The following SRGAP1 variants were observed in gnomAD, a reference collection of about 807,000 sequenced individuals.
SRGAP1 encodes SLIT-ROBO Rho GTPase activating protein 1, also known as SLIT-ROBO Rho GTPase-activating protein 1.
A neutral mutation model predicts 121.9 loss-of-function variants in SRGAP1; 43 were observed. The ratio of observed to expected loss-of-function variants is 0.35; its 90% CI spans 0.28 to 0.46. The LOEUF (loss-of-function observed/expected upper bound fraction) is 0.46. SRGAP1 is among the 20% of genes least tolerant of loss of function. The pLI, the probability that SRGAP1 is intolerant of heterozygous loss-of-function variation, is 1.00. For missense variants in SRGAP1, 1,102 were observed against 1,350.9 expected, an observed-to-expected ratio of 0.82 and a Z score of 2.89; for synonymous variants, 447 against 485.4, an observed-to-expected ratio of 0.92 and a Z score of 1.04.
intron 11 of SRGAP1, among the ~76,000 whole-genome samples, chr12:64,090,351 T>C (rs940629351): frequency 1.3e-5 from 2 of 152,314 alleles, no homozygotes; most frequent in East Asian, 1.9e-4. Context: ...AACAAGTACA[T>C]CCTCAGATAT....
At chr12:64,043,877 A>G (rs2035073255) in intron 6 of SRGAP1, among the ~76,000 whole-genome samples, 1 of 152,236 alleles carries the variant, frequency 6.6e-6, no homozygotes, top group Non-Finnish European at 1.5e-5. Flanking sequence ...GCAGTGGCAC[A>G]GCCCTAACTG....
intron 1 of SRGAP1, among the ~76,000 whole-genome samples, chr12:63,929,279 A>G (rs1480810665): frequency 2.0e-5 from 3 of 152,258 alleles, no homozygotes; most frequent in African/African-American, 7.2e-5. Flanking sequence ...TTGCCTAAGT[A>G]TCTGTTTCAG....
At chr12:64,121,042 T>G (rs1282609420) in intron 18 of SRGAP1, among the ~76,000 whole-genome samples, 3 of 150,870 alleles carry the variant, frequency 2.0e-5, no homozygotes, top group Non-Finnish European at 2.9e-5. Flanking sequence ...AGACAGGGTT[T>G]CCACTCTGTT....
chr12:64,114,355 T>TG (rs1447326604), intron 17 of SRGAP1, among the ~76,000 whole-genome samples: 2 of 147,382 alleles, frequency 1.4e-5, no homozygotes, highest in African/African-American at 5.1e-5. Context: ...TTTTTTTTTT[T>TG]TTGGAGACAG....
At chr12:64,080,694 C>T in intron 10 of SRGAP1, 8 of 397,734 alleles carry the variant, frequency 2.0e-5, no homozygotes, top group South Asian at 1.1e-4. Flanking sequence ...ACCTGCTGAC[C>T]CCCCAGTCTC....
chr12:63,984,617 A>C (rs751243497), intron 2 of SRGAP1, among the ~76,000 whole-genome samples: 2 of 152,234 alleles, frequency 1.3e-5, no homozygotes, highest in Non-Finnish European at 2.9e-5. Context: ...AAAAGTTTTA[A>C]GGAAAATGCT....
chr12:64,127,611 T>C lies in SRGAP1; in HGVS notation c.2427T>C (p.Thr809=), dbSNP rs1193031616. 3.1e-6 allele frequency: 5 copies of C among 1,614,042 alleles called. No individual in the cohort carries two copies. In the Admixed American group the frequency reaches 6.7e-5, roughly 22 times the overall value. Residue 809 remains threonine, a synonymous_variant, in exon 20 of 22, where the codon ACT becomes ACC. Coordinates refer to ENST00000355086, the MANE Select transcript of SRGAP1 (RefSeq NM_020762.4). ...VQDMDDTFSD[T]LSQKADSEAS... ...TCAGGGATGATACGTTTTCAGACAC[T>C]CTGAGCCAAAAAGCCGACAGTGAGG...
intron 1 of SRGAP1, among the ~76,000 whole-genome samples, chr12:63,965,979 C>A (rs1358331443): frequency 1.2e-4 from 18 of 152,136 alleles, no homozygotes. Context: ...GCCATCATGC[C>A]CAGCTAATTT....
At chr12:64,119,026 C>A (rs2036565186) in intron 18 of SRGAP1, among the ~76,000 whole-genome samples, 3 of 152,140 alleles carry the variant, frequency 2.0e-5, no homozygotes, top group African/African-American at 7.2e-5. Context: ...CTTTTAAATC[C>A]TTTAAGGTTT....
chr12:63,975,891 G>A (rs1403757896), intron 1 of SRGAP1, among the ~76,000 whole-genome samples: 1 of 152,122 alleles, frequency 6.6e-6, no homozygotes, highest in African/African-American at 2.4e-5. Flanking sequence ...GGTTTTTGTT[G>A]TTTTTATTAA....
At chr12:64,067,544 T>C (rs1047046775) in intron 8 of SRGAP1, among the ~76,000 whole-genome samples, 1 of 152,228 alleles carries the variant, frequency 6.6e-6, no homozygotes, top group African/African-American at 2.4e-5. Flanking sequence ...TGAGCATGAC[T>C]ACTGGTTTAT....
At position 64,148,715 on chromosome 12, in the gene SRGAP1, CAA is replaced by C. The variant is rs1433502035; in HGVS notation, c.*6045_*6046del. 6.6e-6 allele frequency: 1 copy of C among 152,100 alleles called. No individual in the cohort carries two copies. The highest frequency in any genetic ancestry group is 1.5e-5 in the Non-Finnish European group (1 of 68,006). The allele number at this position is 152,100 out of a possible 1,614,324, so 9.4% of individuals were successfully genotyped here. A position where few individuals can be genotyped will look rare whatever the true frequency, so the allele number is the denominator to read the frequency against. ...GATATAAAGTTTAAAAAATGACAGG[CAA>C]ATCAAGGAAAAACACTTTTTATTAA... On this transcript the variant is annotated 3_prime_UTR_variant, in exon 22 of 22. Transcript: ENST00000355086.
At chr12:63,936,664 C>A (rs1311176853) in intron 1 of SRGAP1, among the ~76,000 whole-genome samples, 2 of 152,114 alleles carry the variant, frequency 1.3e-5, no homozygotes, top group Non-Finnish European at 2.9e-5. Flanking sequence ...TGTAGGTGAA[C>A]TAGTTTCTTC....
At chr12:64,017,430 G>C (rs1191542029) in intron 4 of SRGAP1, among the ~76,000 whole-genome samples, 1 of 152,100 alleles carries the variant, frequency 6.6e-6, no homozygotes, top group Non-Finnish European at 1.5e-5. Flanking sequence ...CAAGGCTGGT[G>C]GATCACTTGA....
rs772393902 is a variant in SRGAP1 at position 64,128,137 on chromosome 12, G to A, written c.2817G>A (p.Thr939=). Residue 939 remains threonine, a synonymous_variant, in exon 21 of 22, where the codon ACG becomes ACA. Coordinates refer to ENST00000355086, the MANE Select transcript of SRGAP1 (RefSeq NM_020762.4). The part of the protein sequence containing the change: ...KIDSPPIRRS[T]SSGQYTGFND... ...ACAGCCCTCCCATTAGAAGGTCCAC[G>A]TCATCAGGGCAATACACGGGCTTCA... 1.1e-5 allele frequency: 18 copies of A among 1,614,122 alleles called. No individual in the cohort carries two copies. Among genetic ancestry groups the A allele is most frequent in the African/African-American group, 1.1e-4 (8 of 75,044 alleles).
At chr12:63,896,096 G>A (rs1397601733) in intron 1 of SRGAP1, among the ~76,000 whole-genome samples, 3 of 152,088 alleles carry the variant, frequency 2.0e-5, no homozygotes, top group Admixed American at 6.5e-5. Flanking sequence ...ACCTTGGCAA[G>A]TCTAACCTTA....
intron 1 of SRGAP1, among the ~76,000 whole-genome samples, chr12:63,956,468 C>A (rs2032474360): frequency 1.3e-5 from 2 of 151,828 alleles, no homozygotes; most frequent in Non-Finnish European, 1.5e-5. Context: ...AAGGAGGCAC[C>A]AAGGCTATAA....
intron 3 of SRGAP1, among the ~76,000 whole-genome samples, chr12:64,012,788 C>T (rs1228894052): frequency 2.6e-5 from 4 of 151,944 alleles, no homozygotes; most frequent in African/African-American, 9.7e-5. Context: ...TAGGCTCAGA[C>T]AACCTGCCCA....
intron 1 of SRGAP1, among the ~76,000 whole-genome samples, chr12:63,916,312 A>T (rs567886459): frequency 6.6e-6 from 1 of 152,264 alleles, no homozygotes; most frequent in Admixed American, 6.5e-5. Flanking sequence ...GGCATGAGCC[A>T]CCATGCCCAG....
Sources: gnomAD v4.1 joint callset for allele counts (sites outside exome capture counted in the v4.1 genomes callset) on GRCh38, gnomAD v4.1.1 for gene constraint, MANE v1.5 for transcripts, NCBI Gene and HGNC (gene_info 2026-07-23, HGNC 2026-07-21) for gene names.